Variants in LRMDA observed in about 807,000 individuals in gnomAD.
LRMDA encodes leucine rich melanocyte differentiation associated, also known as leucine-rich melanocyte differentiation-associated protein.
In LRMDA, 18 loss-of-function variants were observed where a neutral mutation model predicts 29.8. The observed-to-expected ratio is 0.60, with a 90% CI of 0.42 to 0.90. The LOEUF (loss-of-function observed/expected upper bound fraction) is 0.90, where lower values mean the gene tolerates loss of function less well. LRMDA is among the 40% of genes least tolerant of loss of function. The pLI is 0.00. For missense variants in LRMDA, 273 were observed against 273.9 expected (o/e 1.00, Z 0.02); for synonymous variants, 125 against 109.4 (o/e 1.14, Z -0.89).
chr10:76,313,634 G>A (rs1402322798), intron 5 of LRMDA, among the ~76,000 whole-genome samples: 3 of 152,138 alleles, frequency 2.0e-5, no homozygotes, highest in South Asian at 4.1e-4. Flanking sequence ...AGTGTTATAT[G>A]TAGTGGTGTG....
At chr10:75,778,726 C>T (rs754313414) in intron 2 of LRMDA, among the ~76,000 whole-genome samples, 2 of 152,208 alleles carry the variant, frequency 1.3e-5, no homozygotes, top group South Asian at 2.1e-4. Flanking sequence ...AGAGATTAGT[C>T]AGTTTATTCA....
At chr10:75,434,824 A>G (rs1019469711) in intron 1 of LRMDA, among the ~76,000 whole-genome samples, 2 of 152,184 alleles carry the variant, frequency 1.3e-5, no homozygotes, top group East Asian at 3.9e-4. Flanking sequence ...AATCTCCTCA[A>G]CATCTGACTG....
rs541638626 is a variant in LRMDA at position 76,078,268 on chromosome 10, C to G, written c.516+19485C>G. Among the ~76,000 whole-genome samples, 13 of 151,952 alleles carry G rather than the reference C, an allele frequency of 8.6e-5. 1 individual carries two copies. The South Asian group carries it at 1.7e-3, about 19-fold the overall frequency. On this transcript the variant is annotated intron_variant, in intron 5 of 6. Coordinates refer to ENST00000611255, the MANE Select transcript of LRMDA (RefSeq NM_001305581.2). ...TCGTGATCTGCCCGTCTCGGCCTCC[C>G]AAAGTGCTGGGATTACAGACATGAG...
intron 6 of LRMDA, among the ~76,000 whole-genome samples, chr10:76,387,899 T>C (rs1841679290): frequency 6.6e-6 from 1 of 152,200 alleles, no homozygotes; most frequent in Admixed American, 6.5e-5. Flanking sequence ...GTGGTTCTCA[T>C]TGCACAATAA....
intron 6 of LRMDA, among the ~76,000 whole-genome samples, chr10:76,479,805 T>A (rs2132325540): frequency 6.6e-6 from 1 of 152,048 alleles, no homozygotes; most frequent in African/African-American, 2.4e-5. Context: ...CTGAGACTGA[T>A]AATATACCCT....
intron 2 of LRMDA, among the ~76,000 whole-genome samples, chr10:75,492,581 T>A (rs189961604): frequency 3.3e-5 from 5 of 152,216 alleles, no homozygotes; most frequent in African/African-American, 1.2e-4. Flanking sequence ...ATTTTGAGCC[T>A]TATTCTCTTT....
intron 2 of LRMDA, among the ~76,000 whole-genome samples, chr10:76,013,295 ATT>A (rs59047696): frequency 2.1e-4 from 29 of 137,974 alleles, no homozygotes; most frequent in African/African-American, 5.8e-4. Flanking sequence ...AGATGATTTA[ATT>A]TTTTTTTTTT....
intron 2 of LRMDA, among the ~76,000 whole-genome samples, chr10:75,485,640 C>T (rs753313219): frequency 5.9e-5 from 9 of 151,852 alleles, no homozygotes; most frequent in Non-Finnish European, 1.3e-4. Flanking sequence ...TGGAGTGCAG[C>T]GATCTCAGTG....
At chr10:75,875,934 A>G (rs1315530215) in intron 2 of LRMDA, among the ~76,000 whole-genome samples, 2 of 152,148 alleles carry the variant, frequency 1.3e-5, no homozygotes, top group Non-Finnish European at 2.9e-5. Flanking sequence ...GTGGTAGGAT[A>G]TGAGGCCTGA....
At chr10:76,370,937 G>T (rs1302576632) in intron 6 of LRMDA, among the ~76,000 whole-genome samples, 1 of 152,096 alleles carries the variant, frequency 6.6e-6, no homozygotes, top group Non-Finnish European at 1.5e-5. Context: ...TACAGACAAA[G>T]GGGGACTACT....
intron 2 of LRMDA, among the ~76,000 whole-genome samples, chr10:75,466,112 G>A (rs1370945298): frequency 2.0e-5 from 3 of 152,230 alleles, no homozygotes; most frequent in Non-Finnish European, 2.9e-5. Flanking sequence ...GGGTTCGAGA[G>A]GTCACACATG....
intron 2 of LRMDA, among the ~76,000 whole-genome samples, chr10:75,659,600 A>C (rs993406505): frequency 1.3e-5 from 2 of 152,214 alleles, no homozygotes; most frequent in African/African-American, 4.8e-5. Context: ...TCAAACTCCC[A>C]GAAGCAGGGA....
At chr10:76,222,041 G>A (rs1029586672) in intron 5 of LRMDA, among the ~76,000 whole-genome samples, 1 of 152,050 alleles carries the variant, frequency 6.6e-6, no homozygotes, top group Non-Finnish European at 1.5e-5. Context: ...TTTAATAAAT[G>A]GTGCTGGGAA....
intron 2 of LRMDA, among the ~76,000 whole-genome samples, chr10:75,993,260 C>G (rs765958879): frequency 5.3e-5 from 8 of 152,124 alleles, no homozygotes; most frequent in Non-Finnish European, 7.4e-5. Context: ...TTTCACTTCT[C>G]CCCAAGATAG....
chr10:76,238,233 G>A (rs904773062), intron 5 of LRMDA, among the ~76,000 whole-genome samples: 5 of 152,146 alleles, frequency 3.3e-5, no homozygotes, highest in African/African-American at 9.7e-5. Flanking sequence ...CATGGCACAT[G>A]GTGCTTGTGG....
chr10:75,458,872 G>A (rs1844551660), intron 2 of LRMDA, among the ~76,000 whole-genome samples: 1 of 152,064 alleles, frequency 6.6e-6, no homozygotes, highest in African/African-American at 2.4e-5. Context: ...GGAGCAAGCG[G>A]CTATTTTTAC....
At chr10:75,892,715 T>C (rs930477732) in intron 2 of LRMDA, among the ~76,000 whole-genome samples, 4 of 152,164 alleles carry the variant, frequency 2.6e-5, no homozygotes, top group African/African-American at 9.7e-5. Context: ...GAGGGAAGCT[T>C]GTGGTCAGGC....
intron 2 of LRMDA, among the ~76,000 whole-genome samples, chr10:75,563,975 T>TC (rs1232650532): frequency 6.6e-6 from 1 of 152,110 alleles, no homozygotes; most frequent in African/African-American, 2.4e-5. Context: ...TGCTCAGGGG[T>TC]CAGGGGTCAG....
chr10:76,033,230 G>C (rs999792814), intron 2 of LRMDA, among the ~76,000 whole-genome samples: 3 of 152,042 alleles, frequency 2.0e-5, no homozygotes, highest in Non-Finnish European at 4.4e-5. Context: ...GGATCTAGAT[G>C]ATTAAATCCC....
Sources: allele counts gnomAD v4.1 joint callset (sites outside exome capture counted in the v4.1 genomes callset), GRCh38; gene constraint gnomAD v4.1.1; transcripts MANE v1.5; gene names NCBI Gene and HGNC (gene_info 2026-07-23, HGNC 2026-07-21).